Variants in FSTL4 observed in about 807,000 individuals in gnomAD.
The protein encoded by FSTL4 is follistatin-related protein 4.
Under a neutral mutation model 78.2 loss-of-function variants are expected in FSTL4, and 28 were observed. That is an observed-to-expected ratio of 0.36 (90% confidence interval 0.27 to 0.49). The LOEUF (loss-of-function observed/expected upper bound fraction) is 0.49, where lower values mean the gene tolerates loss of function less well. FSTL4 is among the 20% of genes least tolerant of loss of function. The probability of loss-of-function intolerance (pLI) is 0.98; values close to 1 mark genes in which losing one functional copy is unlikely to be tolerated. For missense variants in FSTL4, 922 were observed against 1,084.9 expected (o/e 0.85, Z 2.11); for synonymous variants, 422 against 440.5 (o/e 0.96, Z 0.53).
chr5:133,449,357 C>G (rs1266039367), intron 3 of FSTL4, among the ~76,000 whole-genome samples: 1 of 152,224 alleles, frequency 6.6e-6, no homozygotes, highest in Non-Finnish European at 1.5e-5. Flanking sequence ...TCCGTGGCAT[C>G]AGGCACCACA....
intron 6 of FSTL4, among the ~76,000 whole-genome samples, chr5:133,306,262 G>C (rs1458845425): frequency 6.6e-6 from 1 of 152,278 alleles, no homozygotes; most frequent in African/African-American, 2.4e-5. Context: ...CACGAGGGAT[G>C]TGGCTGTAGG....
chr5:133,553,525 C>T (rs1001594225), intron 3 of FSTL4, among the ~76,000 whole-genome samples: 9 of 152,168 alleles, frequency 5.9e-5, no homozygotes, highest in Admixed American at 1.3e-4. Flanking sequence ...CTTACTGAAA[C>T]GCCCAGCAAA....
At chr5:133,819,152 G>T in the FSTL4 span, among the ~76,000 whole-genome samples, 1 of 151,080 alleles carries the variant, frequency 6.6e-6, no homozygotes, top group Admixed American at 6.6e-5. Context: ...TCCAACCCTG[G>T]AGAGAGACTG....
At chr5:133,805,827 A>G in the FSTL4 span, among the ~76,000 whole-genome samples, 8 of 152,320 alleles carry the variant, frequency 5.3e-5, no homozygotes, top group Non-Finnish European at 7.3e-5. Context: ...ACCAGCCCTC[A>G]GTTCCTTGCC....
chr5:133,276,621 C>T (rs1169596463), intron 6 of FSTL4, among the ~76,000 whole-genome samples: 4 of 152,210 alleles, frequency 2.6e-5, no homozygotes, highest in Non-Finnish European at 5.9e-5. Flanking sequence ...CCACTCCCCA[C>T]CATGGTTAAG....
At chr5:133,277,261 C>A (rs193237776) in intron 6 of FSTL4, among the ~76,000 whole-genome samples, 1 of 151,678 alleles carries the variant, frequency 6.6e-6, no homozygotes, top group Admixed American at 6.6e-5. Context: ...TGCAGTGAGC[C>A]GAGATTGTGC....
chr5:133,775,269 T>C, the FSTL4 span, among the ~76,000 whole-genome samples: 1 of 152,274 alleles, frequency 6.6e-6, no homozygotes, highest in East Asian at 1.9e-4. Flanking sequence ...AATAGGGAAA[T>C]TACAGCATAA....
chr5:133,831,364 A>C, the FSTL4 span, among the ~76,000 whole-genome samples: 3 of 152,182 alleles, frequency 2.0e-5, no homozygotes, highest in East Asian at 5.8e-4. Flanking sequence ...AATTCCTTTT[A>C]ATGACTCTTA....
chr5:133,784,820 G>C, the FSTL4 span, among the ~76,000 whole-genome samples: 1 of 152,020 alleles, frequency 6.6e-6, no homozygotes, highest in African/African-American at 2.4e-5. Flanking sequence ...ATATGGTCCT[G>C]TGTGTTTCTA....
intron 3 of FSTL4, among the ~76,000 whole-genome samples, chr5:133,469,449 G>C (rs1757775173): frequency 6.6e-6 from 1 of 152,202 alleles, no homozygotes; most frequent in Admixed American, 6.5e-5. Flanking sequence ...TTAAGCAAGT[G>C]GGTGAATTTT....
At chr5:133,245,041 G>A (rs994641170) in intron 7 of FSTL4, among the ~76,000 whole-genome samples, 6 of 151,178 alleles carry the variant, frequency 4.0e-5, no homozygotes, top group Admixed American at 4.0e-4. Context: ...GATCGCTTGA[G>A]CTCTGGAGGT....
intron 6 of FSTL4, among the ~76,000 whole-genome samples, chr5:133,254,437 T>C (rs1260436625): frequency 1.3e-5 from 2 of 152,246 alleles, no homozygotes; most frequent in East Asian, 3.8e-4. Flanking sequence ...GTGGGACTGA[T>C]TGGCCCATCA....
intron 4 of FSTL4, among the ~76,000 whole-genome samples, chr5:133,355,635 G>A (rs922883133): frequency 2.6e-5 from 4 of 152,150 alleles, no homozygotes; most frequent in Non-Finnish European, 2.9e-5. Flanking sequence ...CAGCCTGGGC[G>A]ACAGAGTGAA....
At chr5:133,368,187 G>A (rs533889854) in intron 4 of FSTL4, among the ~76,000 whole-genome samples, 5 of 152,340 alleles carry the variant, frequency 3.3e-5, no homozygotes, top group Admixed American at 2.0e-4. Flanking sequence ...ATGGTGGGAG[G>A]CCACGGACCA....
rs575189058 is a variant in FSTL4 at position 133,491,950 on chromosome 5, T to C, written c.160+75236A>G. Among the ~76,000 whole-genome samples, 36 of 152,348 alleles carry C rather than the reference T, an allele frequency of 2.4e-4. 1 individual carries two copies. The South Asian group carries it at 7.5e-3, about 32-fold the overall frequency. On this transcript the variant is annotated intron_variant, in intron 3 of 15. Coordinates refer to ENST00000265342, the MANE Select transcript of FSTL4 (RefSeq NM_015082.2). ...TTTTATTGCTATATATTATTACCAC[T>C]TATGATGCCTTTACTTTGCTTCATT...
At chr5:133,819,270 C>G in the FSTL4 span, among the ~76,000 whole-genome samples, 1 of 152,042 alleles carries the variant, frequency 6.6e-6, no homozygotes, top group Non-Finnish European at 1.5e-5. Context: ...GGGCAAGGGA[C>G]AGGAACAGCT....
chr5:133,310,610 C>A (rs1226441902), intron 6 of FSTL4, among the ~76,000 whole-genome samples: 1 of 152,180 alleles, frequency 6.6e-6, no homozygotes, highest in African/African-American at 2.4e-5. Flanking sequence ...AGATGGTGCC[C>A]AAGCAGTGCT....
At chr5:133,370,175 C>A (rs974013787) in intron 4 of FSTL4, among the ~76,000 whole-genome samples, 42 of 152,280 alleles carry the variant, frequency 2.8e-4, no homozygotes, top group Admixed American at 5.2e-4. Flanking sequence ...TCTGTCTGCC[C>A]TGATGAGACC....
At chr5:133,742,224 C>A in the FSTL4 span, among the ~76,000 whole-genome samples, 3 of 152,184 alleles carry the variant, frequency 2.0e-5, no homozygotes, top group Non-Finnish European at 4.4e-5. Context: ...ACTAGCAGGG[C>A]CGCCCTGTGG....
Sources: gnomAD v4.1 joint callset for allele counts (sites outside exome capture counted in the v4.1 genomes callset) on GRCh38, gnomAD v4.1.1 for gene constraint, MANE v1.5 for transcripts, NCBI Gene and HGNC (gene_info 2026-07-23, HGNC 2026-07-21) for gene names.